The following PI16 variants were observed in gnomAD, a reference collection of about 807,000 sequenced individuals.
PI16 encodes PSP94-binding protein.
Under a neutral mutation model 38.0 loss-of-function variants are expected in PI16, and 35 were observed. The observed-to-expected ratio is 0.92, with a 90% CI of 0.70 to 1.22. The LOEUF is 1.22. PI16 is among the 50% of genes most tolerant of loss of function. PI16 has a pLI of 0.00. For synonymous variants in PI16, 275 were observed against 252.9 expected, an observed-to-expected ratio of 1.09 and a Z score of -0.83; for missense variants, 572 against 593.8, an observed-to-expected ratio of 0.96 and a Z score of 0.38.
intron 1 of PI16, 39 bp downstream of exon 1, chr6:36,954,970 G>A: frequency 1.9e-6 from 3 of 1,599,282 alleles, no homozygotes; most frequent in Non-Finnish European, 2.6e-6. Context: ...GGGATGGAAG[G>A]GGTGCTGGCC....
At chr6:36,958,986 A>C (rs962070360) in intron 1 of PI16, among the ~76,000 whole-genome samples, 159 bp from the exon 2 acceptor site, 1 of 152,036 alleles carries the variant, frequency 6.6e-6, no homozygotes, top group Non-Finnish European at 1.5e-5. Context: ...ACCGCCCCAC[A>C]GACGCCCACC....
rs773203098 is a variant in PI16, at chr6:36,961,583, G to C, written c.503+23G>C. On this transcript the variant is annotated intron_variant, in intron 3 of 6. Transcript: ENST00000373674. The stretch of plus-strand genomic sequence containing the variant: ...TCCGTGAGTGCCGGGGGGAACCCTG[G>C]AGATGGAGAGGGGGAAGGCACAGGC... 3.7e-6 allele frequency: 6 copies of C among 1,605,790 alleles called. No homozygotes were observed. In the African/African-American group the frequency reaches 6.7e-5, roughly 18 times the overall value.
At chr6:36,952,185 G>T (rs1305384167), upstream of PI16, among the ~76,000 whole-genome samples, 1 of 151,818 alleles carries the variant, frequency 6.6e-6, no homozygotes, top group Non-Finnish European at 1.5e-5. Context: ...GTAGAGACGG[G>T]GTTTCACCAT....
At chr6:36,949,526 A>T (rs1422601560) in intron 1 of PI16, among the ~76,000 whole-genome samples, 1 of 152,028 alleles carries the variant, frequency 6.6e-6, no homozygotes, top group African/African-American at 2.4e-5. Flanking sequence ...CCACCTGAAC[A>T]CCCTGGGACA....
At chr6:36,948,589 C>T (rs1448541801) in intron 1 of PI16, among the ~76,000 whole-genome samples, 4 of 143,832 alleles carry the variant, frequency 2.8e-5, no homozygotes, top group African/African-American at 1.0e-4. Flanking sequence ...TGAGCCACCA[C>T]GCCCAGCTCT....
chr6:36,962,157 G>GT lies in PI16; in HGVS notation c.592+184dup, dbSNP rs1341674505. Among the ~76,000 whole-genome samples the GT allele has an allele frequency of 6.6e-6, 1 of 152,170 alleles. No homozygotes were observed. Among genetic ancestry groups the GT allele is most frequent in the Non-Finnish European group, 1.5e-5 (1 of 68,026 alleles). On this transcript the variant is annotated intron_variant, in intron 4 of 6. Transcript: ENST00000373674. This position sits in a 1 kb window ranked among gnomAD's most constrained non-coding sequence, Gnocchi z 4.1. ...CCACGCGCAGCCACTTTGGCGCCCT[G>GT]TCGTTCCAAGTGGCCGGATTTCAAC...
intron 3 of PI16, 65 bp from the exon 4 acceptor site, chr6:36,961,821 G>C (rs1207847815): frequency 3.8e-6 from 5 of 1,312,772 alleles, no homozygotes; most frequent in Non-Finnish European, 5.5e-6. Flanking sequence ...TGTGTGTATA[G>C]GAGTTGGGGA....
chr6:36,952,742 A>C (rs1396654537), upstream of PI16, among the ~76,000 whole-genome samples: 3 of 152,154 alleles, frequency 2.0e-5, no homozygotes. Context: ...TAAGACTTCC[A>C]ATTTTGTTCT....
At chr6:36,959,003 A>G (rs1763274984) in intron 1 of PI16, 142 bp from the exon 2 acceptor site, 1 of 712,124 alleles carries the variant, frequency 1.4e-6, no homozygotes, top group Non-Finnish European at 2.3e-6. Flanking sequence ...CACCCAGAGC[A>G]GAGACCTGTT....
In PI16 at chr6:36,959,343, C is replaced by G; in HGVS notation, c.370C>G (p.Gln124Glu). Residue 124 changes from glutamine (Q) to glutamate (E), a missense_variant, in exon 2 of 7, where the codon CAG becomes GAG. Transcript: ENST00000373674. The stretch of plus-strand genomic sequence containing the variant: ...CAGCGCCGCCACCTGCAGCCCAGGC[C>G]AGATGTGCGGCCACTACACGCAGGT... ...NLSAATCSPG[Q>E]MCGHYTQVVW... The G allele has an allele frequency of 6.4e-7, 1 of 1,563,368 alleles. No homozygotes were observed. The highest frequency in any genetic ancestry group is 1.4e-5 in the African/African-American group (1 of 73,970).
At chr6:36,950,574 G>T (rs1035016276), upstream of PI16, among the ~76,000 whole-genome samples, 1 of 149,802 alleles carries the variant, frequency 6.7e-6, no homozygotes, top group Non-Finnish European at 1.5e-5. The surrounding 1 kb of genome is among the most constrained non-coding windows in gnomAD (Gnocchi z 4.2). Context: ...ATGGAGTTTC[G>T]CTCTTGTCGC....
chr6:36,961,653 G>T, intron 3 of PI16, 93 bp downstream of exon 3: 3 of 1,162,450 alleles, frequency 2.6e-6, no homozygotes, highest in Non-Finnish European at 3.9e-6. Flanking sequence ...GAGGGAGTGG[G>T]AGGAGAGGGG....
At chr6:36,956,854 C>T (rs1301173566) in intron 1 of PI16, among the ~76,000 whole-genome samples, 1 of 152,192 alleles carries the variant, frequency 6.6e-6, no homozygotes, top group Non-Finnish European at 1.5e-5. Context: ...CAGGGTGAGG[C>T]AGGTGGGGGT....
intron 2 of PI16, 120 bp downstream of exon 2, chr6:36,959,486 G>C (rs890477106): frequency 4.0e-6 from 4 of 999,750 alleles, no homozygotes; most frequent in Admixed American, 5.5e-5. Context: ...GCAAGTAGGC[G>C]GGCTTCACTC....
At chr6:36,957,332 C>T (rs1232344017) in intron 1 of PI16, among the ~76,000 whole-genome samples, 1 of 152,170 alleles carries the variant, frequency 6.6e-6, no homozygotes, top group Non-Finnish European at 1.5e-5. Flanking sequence ...GATGCCTCTC[C>T]CCTCCAGCTG....
At chr6:36,955,383 G>A (rs1763175259) in intron 1 of PI16, among the ~76,000 whole-genome samples, 1 of 152,182 alleles carries the variant, frequency 6.6e-6, no homozygotes, top group Admixed American at 6.5e-5. Context: ...AGGAAGCAGG[G>A]CAGCAGGATG....
chr6:36,961,986 G>A lies in PI16; in HGVS notation c.592+12G>A, dbSNP rs761314613. 1.9e-6 allele frequency: 3 copies of A among 1,606,882 alleles called. No homozygotes were observed. The highest frequency in any genetic ancestry group is 2.2e-5 in the South Asian group (2 of 90,922). Reference sequence around the variant, plus strand: ...GAACTCCCTCTGTGGTGAGTCCACGGGTGGATGGGTAGGGGCAGGGGGTGT... The same window carrying A: ...GAACTCCCTCTGTGGTGAGTCCACGAGTGGATGGGTAGGGGCAGGGGGTGT... On this transcript the variant is annotated intron_variant, in intron 4 of 6. Coordinates refer to ENST00000373674, the MANE Select transcript of PI16 (RefSeq NM_153370.3).
upstream of PI16, among the ~76,000 whole-genome samples, chr6:36,951,363 C>T (rs901945252): frequency 6.6e-6 from 1 of 152,118 alleles, no homozygotes; most frequent in Non-Finnish European, 1.5e-5. Flanking sequence ...AATTTTCCCA[C>T]CTCAGCCTTC....
In PI16 at chr6:36,962,555, C is replaced by T. The variant is rs1004166378; in HGVS notation, c.593-380C>T. On this transcript the variant is annotated intron_variant, in intron 4 of 6. Coordinates refer to ENST00000373674, the MANE Select transcript of PI16 (RefSeq NM_153370.3). This position sits in a 1 kb window ranked among gnomAD's most constrained non-coding sequence, Gnocchi z 4.1. ...TGGCTCGATCTCGGCTCACCTGCAA[C>T]CTCCGCCTCCCGGTTTGAAGCAATT... Among the ~76,000 whole-genome samples, 1 of 152,084 alleles carries T rather than the reference C, an allele frequency of 6.6e-6. No individual in the cohort carries two copies. The highest frequency in any genetic ancestry group is 2.1e-4 in the South Asian group (1 of 4,828).
Sources: gnomAD v4.1 joint callset for allele counts (sites outside exome capture counted in the v4.1 genomes callset) on GRCh38, gnomAD v4.1.1 for gene constraint, Gnocchi (gnomAD v3.1) non-coding constraint, MANE v1.5 for transcripts, NCBI Gene and HGNC (gene_info 2026-07-23, HGNC 2026-07-21) for gene names.